Variants in SLC45A4 observed in about 807,000 individuals in gnomAD.
The protein encoded by SLC45A4 is polyamine-transporter SLC45A4.
A neutral mutation model predicts 63.7 loss-of-function variants in SLC45A4; 32 were observed. That is an observed-to-expected ratio of 0.50 (90% CI 0.38 to 0.67). The LOEUF is 0.67. SLC45A4 is among the 30% of genes least tolerant of loss of function. SLC45A4 has a pLI of 0.00. For missense variants in SLC45A4, 1,027 were observed against 1,157.7 expected (o/e 0.89, Z 1.64); for synonymous variants, 535 against 510.0 (o/e 1.05, Z -0.66).
At chr8:141,245,255 G>T (rs1240276734) in intron 2 of SLC45A4, among the ~76,000 whole-genome samples, 2 of 152,200 alleles carry the variant, frequency 1.3e-5, no homozygotes, top group Admixed American at 6.5e-5. Context: ...TTGGAACATG[G>T]TCGATTTTTG....
chr8:141,306,519 A>G (rs1455160021), intron 1 of SLC45A4, among the ~76,000 whole-genome samples: 1 of 152,262 alleles, frequency 6.6e-6, no homozygotes, highest in Non-Finnish European at 1.5e-5. Flanking sequence ...TCTTTTAACA[A>G]TAATTCAAAC....
rs1826194131 is a variant in SLC45A4 at position 141,216,998 on chromosome 8, C to G, written c.1729+92G>C. 2.3e-6 allele frequency: 3 copies of G among 1,320,882 alleles called. No homozygotes were observed. The East Asian group carries it at 7.0e-5, about 31-fold the overall frequency. The allele number at this position is 1,320,882 out of a possible 1,614,324, so 81.8% of individuals were successfully genotyped here. On this transcript the variant is annotated intron_variant, in intron 6 of 8. Coordinates refer to ENST00000517878, the MANE Select transcript of SLC45A4 (RefSeq NM_001286646.2). ...CCAGAAGTCAGTGCGACTGATGGCC[C>G]CAGCTTCTAAGGTGCAGGATTCTCT... is the stretch of plus-strand genomic sequence containing the variant.
At chr8:141,267,265 C>T (rs888404224) in intron 1 of SLC45A4, among the ~76,000 whole-genome samples, 1 of 152,224 alleles carries the variant, frequency 6.6e-6, no homozygotes, top group Non-Finnish European at 1.5e-5. Flanking sequence ...TCTGGGAAGC[C>T]GGCAGACCAC....
chr8:141,285,703 C>T (rs1369717299), intron 1 of SLC45A4, among the ~76,000 whole-genome samples: 2 of 152,242 alleles, frequency 1.3e-5, no homozygotes, highest in East Asian at 1.9e-4. Context: ...GACTGAGAGG[C>T]AGGAGCACAA....
Position 141,267,127 on chromosome 8 carries a change from G to A in SLC45A4, c.-400-12498C>T, listed in dbSNP as rs577952101. Among the ~76,000 whole-genome samples the A allele has an allele frequency of 2.0e-5, 3 of 152,246 alleles. No homozygotes were observed. The South Asian group carries it at 6.2e-4, about 32-fold the overall frequency. On this transcript the variant is annotated intron_variant, in intron 1 of 8. Coordinates refer to ENST00000517878, the MANE Select transcript of SLC45A4 (RefSeq NM_001286646.2). The stretch of plus-strand genomic sequence containing the variant: ...ACGGCCAAATCTGTGTGCGCATATA[G>A]CAAGTGCTGCATTCACCACAAGCCA...
At chr8:141,237,644 C>A (rs7013699) in intron 2 of SLC45A4, among the ~76,000 whole-genome samples, 2 of 152,010 alleles carry the variant, frequency 1.3e-5, no homozygotes, top group Admixed American at 6.5e-5. Context: ...CAAAGCCACA[C>A]GGTGTCCCTC....
intron 1 of SLC45A4, 126 bp downstream of exon 1, chr8:141,307,970 C>T (rs1338132079): frequency 2.1e-5 from 3 of 144,720 alleles, no homozygotes; most frequent in Admixed American, 6.9e-5. Flanking sequence ...GGGGCTGCGG[C>T]GCGGACCCGA....
chr8:141,283,537 C>T (rs1830036150), intron 1 of SLC45A4, among the ~76,000 whole-genome samples: 1 of 152,254 alleles, frequency 6.6e-6, no homozygotes. Context: ...CAGGCATCAA[C>T]ATCGGTGTCA....
intron 2 of SLC45A4, among the ~76,000 whole-genome samples, chr8:141,239,388 C>G (rs1224076668): frequency 6.6e-6 from 1 of 152,168 alleles, no homozygotes; most frequent in Non-Finnish European, 1.5e-5. Flanking sequence ...TCGAGTGTAC[C>G]TGAACTGCAG....
At chr8:141,268,115 G>T (rs1829353962) in intron 1 of SLC45A4, among the ~76,000 whole-genome samples, 1 of 152,188 alleles carries the variant, frequency 6.6e-6, no homozygotes, top group Non-Finnish European at 1.5e-5. Flanking sequence ...ATGATGGAAT[G>T]TCATTCACCG....
intron 1 of SLC45A4, among the ~76,000 whole-genome samples, chr8:141,305,702 G>A (rs919164125): frequency 6.6e-6 from 1 of 152,206 alleles, no homozygotes; most frequent in Non-Finnish European, 1.5e-5. Flanking sequence ...TGGGCGTCAG[G>A]ACCCTCGGGA....
Position 141,218,390 on chromosome 8 carries a change from TGCC to T in SLC45A4, c.1247_1249del (p.Arg416del), listed in dbSNP as rs751635771. The T allele has an allele frequency of 1.6e-5, 25 of 1,608,410 alleles. No homozygotes were observed. The highest frequency in any genetic ancestry group is 4.5e-5 in the East Asian group (2 of 44,858). On this transcript the variant is annotated inframe_deletion, in exon 5 of 9. Coordinates refer to ENST00000517878, the MANE Select transcript of SLC45A4 (RefSeq NM_001286646.2). ...GCTGGAGGCCTGCCTGCGGAACGCG[TGCC>T]GCCGCCGCCGCATGGAGCTCGACGT...
chr8:141,252,056 A>G (rs1169885985), intron 2 of SLC45A4, among the ~76,000 whole-genome samples: 1 of 149,006 alleles, frequency 6.7e-6, no homozygotes, highest in East Asian at 2.0e-4. Context: ...AAACATCCCT[A>G]AAACAACCAA....
At chr8:141,290,838 C>T (rs1316632700) in intron 1 of SLC45A4, among the ~76,000 whole-genome samples, 1 of 152,192 alleles carries the variant, frequency 6.6e-6, no homozygotes, top group African/African-American at 2.4e-5. Context: ...ACATAAACAA[C>T]ACCTAAATTG....
chr8:141,221,321 T>C (rs1342513418), intron 3 of SLC45A4, among the ~76,000 whole-genome samples: 2 of 152,218 alleles, frequency 1.3e-5, no homozygotes, highest in African/African-American at 2.4e-5. Flanking sequence ...CAGGACGTGG[T>C]GTCAGATACG....
rs530861781 is a variant in SLC45A4 at position 141,207,633 on chromosome 8, C to T, written c.*3939G>A. 6.6e-6 allele frequency: 1 copy of T among 152,366 alleles called. No individual in the cohort carries two copies. Among genetic ancestry groups the T allele is most frequent in the South Asian group, 2.1e-4 (1 of 4,824 alleles). 9.4% of individuals were successfully genotyped at this position (152,366 alleles called of 1,614,324 possible). On this transcript the variant is annotated 3_prime_UTR_variant, in exon 9 of 9. Coordinates refer to ENST00000517878, the MANE Select transcript of SLC45A4 (RefSeq NM_001286646.2). ...TTCTCTGGCAACGAGGCATTTCCAACAAACGGGTCATTCTGTCACCAGGGG... is the reference window on the plus strand; with the variant it reads ...TTCTCTGGCAACGAGGCATTTCCAATAAACGGGTCATTCTGTCACCAGGGG...
intron 1 of SLC45A4, among the ~76,000 whole-genome samples, chr8:141,282,960 C>T (rs951279160): frequency 6.6e-6 from 1 of 152,240 alleles, no homozygotes; most frequent in African/African-American, 2.4e-5. Flanking sequence ...CTAGCGGAGA[C>T]GTGCACAGAC....
At chr8:141,246,829 A>T (rs1828229018) in intron 2 of SLC45A4, among the ~76,000 whole-genome samples, 1 of 152,204 alleles carries the variant, frequency 6.6e-6, no homozygotes, top group African/African-American at 2.4e-5. Context: ...AAACTAGAAG[A>T]AGTAGCCAGT....
intron 1 of SLC45A4, among the ~76,000 whole-genome samples, chr8:141,263,574 T>C (rs199874534): frequency 4.6e-5 from 7 of 150,712 alleles, no homozygotes; most frequent in Non-Finnish European, 1.0e-4. Flanking sequence ...ACCATCCTGG[T>C]CAACATGGTG....
Sources: gnomAD v4.1 joint callset for allele counts (sites outside exome capture counted in the v4.1 genomes callset) on GRCh38, gnomAD v4.1.1 for gene constraint, MANE v1.5 for transcripts, NCBI Gene and HGNC (gene_info 2026-07-23, HGNC 2026-07-21) for gene names.